MEMO1: variants seen among roughly 807,000 people sequenced by gnomAD.
The protein encoded by MEMO1 is mediator of cell motility 1.
MEMO1 carries 6 observed loss-of-function variants against 45.2 expected under a neutral mutation model. The observed-to-expected ratio is 0.13, with a 90% CI of 0.07 to 0.26. MEMO1 has a LOEUF of 0.26. Ranked by LOEUF, MEMO1 falls within the 10% of genes least tolerant of loss-of-function variation. The pLI is 1.00. For missense variants in MEMO1, 184 were observed against 370.5 expected (o/e 0.50, Z 4.13); for synonymous variants, 78 against 124.3 (o/e 0.63, Z 2.48).
rs74993780 is a variant in MEMO1, at chr2:31,941,659, A to G, written c.143+1643T>C. Among the ~76,000 whole-genome samples, 1,141 of 152,342 alleles carry G rather than the reference A, an allele frequency of 7.5e-3. 8 individuals are homozygous for G. The highest frequency in any genetic ancestry group is 0.011 in the Admixed American group (174 of 15,294). On this transcript the variant is annotated intron_variant, in intron 3 of 9. Coordinates refer to ENST00000404530, the MANE Select transcript of MEMO1 (RefSeq NM_001301833.4). ...ATTTGCTGTAAGTTTTATAAAGATT[A>G]GTTCATTTAATCTTTTGTTAAAAGC...
At chr2:31,933,354 TATATATATATA>T in intron 3 of MEMO1, among the ~76,000 whole-genome samples, 1 of 17,160 alleles carries the variant, frequency 5.8e-5, no homozygotes, top group Non-Finnish European at 1.1e-4. Flanking sequence ...AAAAAATTTA[TATATATATATA>T]TATATATATA....
intron 2 of MEMO1, among the ~76,000 whole-genome samples, chr2:31,944,888 A>G (rs868267410): frequency 3.3e-5 from 5 of 152,200 alleles, no homozygotes; most frequent in Non-Finnish European, 7.3e-5. Context: ...AGGTAATAAT[A>G]TAACAAACAC....
rs187527364 is a variant in MEMO1, at chr2:31,910,600, C to T, written c.437+7326G>A. The stretch of plus-strand genomic sequence containing the variant: ...TGTTAGCCGGGTGCAGTGGCTCCTG[C>T]CTGTAATCCTGTACTTTGGGAGGAC... On this transcript the variant is annotated intron_variant, in intron 6 of 9. Coordinates refer to ENST00000404530, the MANE Select transcript of MEMO1 (RefSeq NM_001301833.4). Among the ~76,000 whole-genome samples the T allele has an allele frequency of 7.7e-4, 117 of 152,272 alleles. 1 individual carries two copies. The highest frequency in any genetic ancestry group is 2.7e-3 in the African/African-American group (114 of 41,534).
At chr2:31,902,617 T>C (rs572401657) in intron 6 of MEMO1, among the ~76,000 whole-genome samples, 38 of 152,348 alleles carry the variant, frequency 2.5e-4, no homozygotes, top group Non-Finnish European at 4.3e-4. Context: ...GCTAATTCTT[T>C]AGTAACACAG....
intron 2 of MEMO1, among the ~76,000 whole-genome samples, chr2:31,969,508 A>G (rs796182141): frequency 2.0e-5 from 3 of 151,920 alleles, no homozygotes; most frequent in Admixed American, 6.6e-5. Flanking sequence ...TTTAAAAAAG[A>G]TATTAGGATA....
At chr2:31,871,541 G>A (rs932803693) in intron 8 of MEMO1, among the ~76,000 whole-genome samples, 1 of 150,088 alleles carries the variant, frequency 6.7e-6, no homozygotes, top group Admixed American at 6.6e-5. Flanking sequence ...CTGAAACATA[G>A]ACATATACAT....
At chr2:31,924,543 A>G (rs1682803698) in intron 4 of MEMO1, among the ~76,000 whole-genome samples, 1 of 152,128 alleles carries the variant, frequency 6.6e-6, no homozygotes, top group African/African-American at 2.4e-5. Flanking sequence ...TATAATAGCT[A>G]TAATAGAGAA....
At position 32,000,790 on chromosome 2, in the gene MEMO1, A is replaced by ATTT. The variant is rs71268324; in HGVS notation, c.61+9394_61+9396dup. On this transcript the variant is annotated intron_variant, in intron 2 of 9. Coordinates refer to ENST00000404530, the MANE Select transcript of MEMO1 (RefSeq NM_001301833.4). The stretch of plus-strand genomic sequence containing the variant: ...CTTTCCTCTATCTAGCATACCACAT[A>ATTT]TTTTTTTTTTTTCCATGACATAGCC... Among the ~76,000 whole-genome samples, 161 of 145,680 alleles carry ATTT rather than the reference A, an allele frequency of 1.1e-3. 1 individual carries two copies. In the South Asian group the frequency reaches 0.016, roughly 15 times the overall value.
At chr2:31,975,554 T>G (rs1226456004) in intron 2 of MEMO1, among the ~76,000 whole-genome samples, 2 of 152,120 alleles carry the variant, frequency 1.3e-5, no homozygotes, top group Non-Finnish European at 2.9e-5. Flanking sequence ...AGTGTGTACC[T>G]AGAAAAAAAG....
intron 2 of MEMO1, among the ~76,000 whole-genome samples, chr2:31,981,944 G>T (rs992032497): frequency 2.6e-5 from 4 of 152,030 alleles, no homozygotes; most frequent in Admixed American, 1.3e-4. Flanking sequence ...TTACCAATAC[G>T]TCAGGATATC....
chr2:32,004,301 C>A (rs1028030338), intron 2 of MEMO1, among the ~76,000 whole-genome samples: 1 of 151,096 alleles, frequency 6.6e-6, no homozygotes, highest in African/African-American at 2.4e-5. Flanking sequence ...AGAATAAGAA[C>A]TAGAAGTCAA....
At chr2:31,912,152 G>C (rs1432176577) in intron 6 of MEMO1, among the ~76,000 whole-genome samples, 1 of 151,946 alleles carries the variant, frequency 6.6e-6, no homozygotes, top group Non-Finnish European at 1.5e-5. Flanking sequence ...CTGGTCAACA[G>C]GGTGAAACCC....
intron 2 of MEMO1, among the ~76,000 whole-genome samples, chr2:32,003,806 C>T (rs989623769): frequency 2.6e-5 from 4 of 152,032 alleles, no homozygotes; most frequent in African/African-American, 9.7e-5. Context: ...AATCCCAGCA[C>T]TTTGGGAGGC....
intron 6 of MEMO1, among the ~76,000 whole-genome samples, chr2:31,916,525 A>G (rs1381742831): frequency 6.6e-6 from 1 of 152,326 alleles, no homozygotes; most frequent in South Asian, 2.1e-4. Context: ...CACTGCACCC[A>G]AAGTATTAGT....
intron 2 of MEMO1, 31 bp from the exon 3 acceptor site, chr2:31,943,414 A>G: frequency 1.3e-6 from 2 of 1,521,638 alleles, no homozygotes; most frequent in South Asian, 1.1e-5. Flanking sequence ...AATTAGAGTC[A>G]GCAAAGCAAT....
At chr2:32,001,032 A>ATTTTTTTTTTT (rs66617379) in intron 2 of MEMO1, among the ~76,000 whole-genome samples, 2 of 104,556 alleles carry the variant, frequency 1.9e-5, no homozygotes, top group African/African-American at 3.7e-5. Flanking sequence ...ATAAATTTTG[A>ATTTTTTTTTTT]TTTTTTTTTT....
intron 3 of MEMO1, among the ~76,000 whole-genome samples, chr2:31,941,179 C>T (rs556033725): frequency 6.6e-6 from 1 of 152,226 alleles, no homozygotes; most frequent in East Asian, 1.9e-4. Context: ...CTGCCTATCT[C>T]ATCTACCACT....
At chr2:31,934,965 T>A (rs144828691) in intron 3 of MEMO1, among the ~76,000 whole-genome samples, 2 of 152,302 alleles carry the variant, frequency 1.3e-5, no homozygotes, top group African/African-American at 4.8e-5. Context: ...TCTCAGTGAC[T>A]GAGCATGGGA....
intron 6 of MEMO1, among the ~76,000 whole-genome samples, chr2:31,909,053 G>A (rs1680194455): frequency 6.6e-6 from 1 of 152,156 alleles, no homozygotes; most frequent in Non-Finnish European, 1.5e-5. Context: ...AAGAAATGCA[G>A]GACTTGGACC....
Sources: allele counts gnomAD v4.1 joint callset (sites outside exome capture counted in the v4.1 genomes callset), GRCh38; gene constraint gnomAD v4.1.1; transcripts MANE v1.5; gene names NCBI Gene and HGNC (gene_info 2026-07-23, HGNC 2026-07-21).